Variants in AFF2 observed in about 807,000 individuals in gnomAD.
The protein encoded by AFF2 is ALF transcription elongation factor 2.
A neutral mutation model predicts 76.9 loss-of-function variants in AFF2; 14 were observed. That is an observed-to-expected ratio of 0.18 (90% CI 0.12 to 0.28). AFF2 has a LOEUF of 0.28. Among genes scored for constraint, AFF2 ranks in the 10% least tolerant of loss-of-function variants. AFF2 has a pLI of 1.00. For missense variants in AFF2, 868 were observed against 1,001.1 expected (o/e 0.87, Z 1.79); for synonymous variants, 398 against 366.7 (o/e 1.09, Z -0.98).
chrX:148,676,190 G>T (rs1242943699), intron 3 of AFF2, among the ~76,000 whole-genome samples: 1 of 108,420 alleles, frequency 9.2e-6, no homozygotes, highest in African/African-American at 3.4e-5. Context: ...CTCCCAAGTA[G>T]CTGGGACTAC....
At chrX:148,667,061 A>T (rs2054368095) in intron 3 of AFF2, among the ~76,000 whole-genome samples, 1 of 112,262 alleles carries the variant, frequency 8.9e-6, no homozygotes, top group Non-Finnish European at 1.9e-5. Flanking sequence ...CTAAAGGGTC[A>T]TTTGCTTTAC....
chrX:148,846,512 C>G (rs188637866), intron 7 of AFF2, among the ~76,000 whole-genome samples: 162 of 112,026 alleles, frequency 1.4e-3, no homozygotes, highest in African/African-American at 5.0e-3. Context: ...AGCAGTTATA[C>G]TTTTTAGTAA....
At chrX:148,802,033 T>C (rs1386633233) in intron 3 of AFF2, among the ~76,000 whole-genome samples, 3 of 112,329 alleles carry the variant, frequency 2.7e-5, no homozygotes, top group Non-Finnish European at 5.6e-5. Flanking sequence ...TCTTCTAGGC[T>C]ATTGTGACCC....
At chrX:148,702,581 G>C (rs1406200750) in intron 3 of AFF2, among the ~76,000 whole-genome samples, 1 of 111,684 alleles carries the variant, frequency 9.0e-6, no homozygotes, top group East Asian at 2.8e-4. Flanking sequence ...GTGCTGTCAG[G>C]AGTGTCCCAT....
chrX:148,967,900 T>G (rs2072200889), intron 15 of AFF2, among the ~76,000 whole-genome samples: 1 of 111,789 alleles, frequency 8.9e-6, no homozygotes. Flanking sequence ...TATCATGTCA[T>G]TTGTTTTCCC....
intron 1 of AFF2, among the ~76,000 whole-genome samples, chrX:148,576,696 C>T (rs1279532161): frequency 4.5e-5 from 5 of 110,868 alleles, no homozygotes; most frequent in Non-Finnish European, 9.4e-5. Flanking sequence ...TTGAATATAA[C>T]GTTTAACCGA....
In AFF2 at chrX:148,955,638, T is replaced by C; in HGVS notation, c.1593T>C (p.Asp531=). Residue 531 remains aspartate (D), a synonymous_variant, in exon 11 of 21, where the codon GAT becomes GAC. Coordinates refer to ENST00000370460, the MANE Select transcript of AFF2 (RefSeq NM_002025.4). ...EPPSTNKWQL[D]KWLNKVTSQN... Reference sequence around the variant, plus strand: ...CCTCAACCAACAAGTGGCAACTGGATAAATGGCTTAACAAAGTGACATCCC... The same window carrying C: ...CCTCAACCAACAAGTGGCAACTGGACAAATGGCTTAACAAAGTGACATCCC... 8.3e-7 allele frequency: 1 copy of C among 1,209,492 alleles called. No homozygotes were observed. The highest frequency in any genetic ancestry group is 1.1e-6 in the Non-Finnish European group (1 of 894,768).
chrX:148,724,392 A>C (rs2124545114), intron 3 of AFF2, among the ~76,000 whole-genome samples: 1 of 111,625 alleles, frequency 9.0e-6, no homozygotes, highest in East Asian at 2.8e-4. Context: ...AGAGGTATCC[A>C]ACAATGATAC....
At chrX:148,551,730 C>T (rs1219673961) in intron 1 of AFF2, among the ~76,000 whole-genome samples, 1 of 111,319 alleles carries the variant, frequency 9.0e-6, no homozygotes, top group Non-Finnish European at 1.9e-5. Context: ...AAAAACAGGG[C>T]CAATCAAGGG....
chrX:148,711,168 A>G (rs1272198098), intron 3 of AFF2, among the ~76,000 whole-genome samples: 1 of 111,857 alleles, frequency 8.9e-6, no homozygotes, highest in Non-Finnish European at 1.9e-5. Flanking sequence ...TTGCTTGAAT[A>G]TATCATAGTT....
chrX:148,809,566 A>C (rs928311996), intron 3 of AFF2, among the ~76,000 whole-genome samples: 9 of 112,010 alleles, frequency 8.0e-5, no homozygotes, highest in African/African-American at 2.9e-4. Context: ...AAGATGCCTT[A>C]AAGATCACGA....
intron 1 of AFF2, among the ~76,000 whole-genome samples, chrX:148,530,108 G>T (rs1280037482): frequency 9.0e-6 from 1 of 111,434 alleles, no homozygotes; most frequent in Non-Finnish European, 1.9e-5. Context: ...CAATACCTGT[G>T]CCTACTTCAT....
chrX:148,949,325 TC>T (rs1157618262), intron 9 of AFF2, among the ~76,000 whole-genome samples: 5 of 111,197 alleles, frequency 4.5e-5, no homozygotes, highest in African/African-American at 1.3e-4. Flanking sequence ...CCCATTTTTT[TC>T]CCCTGTCACT....
intron 9 of AFF2, among the ~76,000 whole-genome samples, chrX:148,924,645 G>A (rs1487966109): frequency 8.9e-6 from 1 of 112,069 alleles, no homozygotes; most frequent in Non-Finnish European, 1.9e-5. Flanking sequence ...AGGGGCATTA[G>A]AGGTTAGGTG....
chrX:148,998,522 C>G lies in AFF2; in HGVS notation c.*7190C>G, dbSNP rs1177722121. On this transcript the variant is annotated 3_prime_UTR_variant, in exon 21 of 21. Transcript: ENST00000370460. ...ATATTAGTCTGTTGAATTCATTTGT[C>G]CAATTGTATAACTTTGTGGAGCAGT... is the stretch of plus-strand genomic sequence containing the variant. 2.7e-5 allele frequency: 3 copies of G among 111,877 alleles called. No homozygotes were observed. Among genetic ancestry groups the G allele is most frequent in the African/African-American group, 9.8e-5 (3 of 30,643 alleles). The allele number at this position is 111,877 out of a possible 1,213,427, so 9.2% of individuals were successfully genotyped here.
At chrX:148,874,048 A>G (rs1323958009) in intron 7 of AFF2, among the ~76,000 whole-genome samples, 2 of 111,803 alleles carry the variant, frequency 1.8e-5, no homozygotes, top group African/African-American at 3.3e-5. Flanking sequence ...AGGTGAGTCT[A>G]TGAATAATAG....
At chrX:148,591,533 C>A (rs1445805643) in intron 1 of AFF2, among the ~76,000 whole-genome samples, 1 of 112,398 alleles carries the variant, frequency 8.9e-6, no homozygotes, top group African/African-American at 3.2e-5. Flanking sequence ...GCTTTAGATA[C>A]CAAAAAGTGC....
chrX:148,843,528 C>T, intron 7 of AFF2, 95 bp downstream of exon 7: 1 of 735,801 alleles, frequency 1.4e-6, no homozygotes. Flanking sequence ...CTCCTCTGCT[C>T]CTTGAAACTA....
chrX:148,668,364 G>T (rs922671986), intron 3 of AFF2, among the ~76,000 whole-genome samples: 1 of 112,635 alleles, frequency 8.9e-6, no homozygotes, highest in South Asian at 3.6e-4. Flanking sequence ...GGAGGTTGGT[G>T]GCCTTCTTCT....
Sources: gnomAD v4.1 joint callset for allele counts (sites outside exome capture counted in the v4.1 genomes callset) on GRCh38, gnomAD v4.1.1 for gene constraint, MANE v1.5 for transcripts, NCBI Gene and HGNC (gene_info 2026-07-23, HGNC 2026-07-21) for gene names.